Variants in RASAL1 observed in about 807,000 individuals in gnomAD.
RASAL1 encodes the protein RAS protein activator like 1.
RASAL1 carries 72 observed loss-of-function variants against 96.6 expected under a neutral mutation model. The ratio of observed to expected loss-of-function variants is 0.75; its 90% CI spans 0.62 to 0.91. RASAL1 has a LOEUF of 0.91. Ranked by LOEUF, RASAL1 falls within the 40% of genes least tolerant of loss-of-function variation. RASAL1 has a pLI of 0.00. For missense variants in RASAL1, 1,016 were observed against 1,072.5 expected, an observed-to-expected ratio of 0.95 and a Z score of 0.74; for synonymous variants, 405 against 430.4, an observed-to-expected ratio of 0.94 and a Z score of 0.73.
chr12:113,101,197 C>T (rs2136083653), intron 19 of RASAL1, among the ~76,000 whole-genome samples: 2 of 152,288 alleles, frequency 1.3e-5, no homozygotes, highest in Non-Finnish European at 2.9e-5. Flanking sequence ...AGGTGGATCA[C>T]TTGAAGTCAG....
chr12:113,132,691 C>T (rs1056048676), intron 1 of RASAL1, among the ~76,000 whole-genome samples: 4 of 152,192 alleles, frequency 2.6e-5, no homozygotes, highest in Non-Finnish European at 5.9e-5. Flanking sequence ...ACCTATCTTG[C>T]TGGATGAGCC....
At chr12:113,119,294 G>A in intron 6 of RASAL1, 35 bp from the exon 7 acceptor site, 7 of 1,611,382 alleles carry the variant, frequency 4.3e-6, no homozygotes, top group Non-Finnish European at 5.9e-6. Context: ...GAGTGGGAGA[G>A]CTGATGGGGA....
At chr12:113,101,822 A>G (rs1201287824) in intron 19 of RASAL1, 67 bp downstream of exon 19, 2 of 1,564,272 alleles carry the variant, frequency 1.3e-6, no homozygotes, top group Non-Finnish European at 8.7e-7. Context: ...TGGACACAGC[A>G]AGGCCACGGT....
chr12:113,119,716 T>C (rs1336708067), intron 5 of RASAL1, among the ~76,000 whole-genome samples: 1 of 151,980 alleles, frequency 6.6e-6, no homozygotes, highest in Non-Finnish European at 1.5e-5. Flanking sequence ...GCCCAGCAAG[T>C]AGAAGTGCAG....
At chr12:113,128,408 G>A (rs1951576910) in intron 2 of RASAL1, among the ~76,000 whole-genome samples, 1 of 151,164 alleles carries the variant, frequency 6.6e-6, no homozygotes, top group South Asian at 2.1e-4. Context: ...GGACACTGGA[G>A]CATGTATGAA....
At chr12:113,126,665 G>A (rs1592952556) in intron 4 of RASAL1, among the ~76,000 whole-genome samples, 1 of 150,598 alleles carries the variant, frequency 6.6e-6, no homozygotes, top group East Asian at 2.0e-4. Flanking sequence ...CTGGGTGACA[G>A]AATGAGACAC....
At chr12:113,135,875 C>A (rs1190049334), upstream of RASAL1, 4 of 178,284 alleles carry the variant, frequency 2.2e-5, no homozygotes, top group Non-Finnish European at 4.8e-5. This position sits in a 1 kb window ranked among gnomAD's most constrained non-coding sequence, Gnocchi z 5.7. Flanking sequence ...CCCAGTCATG[C>A]GCGCCAGAGC....
intron 15 of RASAL1, among the ~76,000 whole-genome samples, chr12:113,106,146 C>G (rs73207010): frequency 0.11 from 16,859 of 152,192 alleles, 1,116 homozygotes; most frequent in Middle Eastern, 0.19. Flanking sequence ...ATGCAGGCAG[C>G]CAGCAGGGGC....
intron 5 of RASAL1, among the ~76,000 whole-genome samples, chr12:113,121,047 C>T (rs539928077): frequency 2.0e-5 from 3 of 152,182 alleles, no homozygotes; most frequent in Non-Finnish European, 4.4e-5. Flanking sequence ...TTGCTAGGGC[C>T]ATCTCTCACC....
intron 16 of RASAL1, 118 bp downstream of exon 16, chr12:113,105,596 C>G: frequency 8.9e-7 from 1 of 1,125,878 alleles, no homozygotes. Context: ...TGTTAAGTTG[C>G]TATGGCATCT....
At position 113,130,526 on chromosome 12, in the gene RASAL1, C is replaced by A. The variant is rs1246299249; in HGVS notation, c.122+359G>T. Among the ~76,000 whole-genome samples the A allele has an allele frequency of 3.3e-5, 5 of 152,198 alleles. No individual in the cohort carries two copies. The highest frequency in any genetic ancestry group is 5.9e-5 in the Non-Finnish European group (4 of 68,034). ...GCGGGTGCACACACAGACACACATG[C>A]ACATGCCCACGCGCACAGACATCCC... is the stretch of plus-strand genomic sequence containing the variant. On this transcript the variant is annotated intron_variant, in intron 2 of 20. Coordinates refer to ENST00000548055, the MANE Select transcript of RASAL1 (RefSeq NM_001301202.2). The surrounding 1 kb of genome is among the most constrained non-coding windows in gnomAD (Gnocchi z 5.1).
chr12:113,101,544 C>A (rs1397614705), intron 19 of RASAL1, among the ~76,000 whole-genome samples: 1 of 152,164 alleles, frequency 6.6e-6, no homozygotes, highest in Non-Finnish European at 1.5e-5. Context: ...TCTCTGTCAC[C>A]AAATAACAGT....
chr12:113,127,596 G>A (rs1354889737), intron 4 of RASAL1, among the ~76,000 whole-genome samples: 2 of 152,186 alleles, frequency 1.3e-5, no homozygotes, highest in Non-Finnish European at 2.9e-5. Context: ...ATTGCAGTGA[G>A]CTATGATAGC....
Position 113,121,575 on chromosome 12 carries a change from C to A in RASAL1, c.362G>T (p.Cys121Phe). 1 of 1,614,218 alleles carries A rather than the reference C, an allele frequency of 6.2e-7. No homozygotes were observed. Among genetic ancestry groups the A allele is most frequent in the Non-Finnish European group, 8.5e-7 (1 of 1,180,038 alleles). ...ATCCTCCAGCATCTGCACTGACAGG[C>A]AGATCTCACCCTGCACTTCTGCATC... ...DPDAEVQGEI[C>F]LSVQMLEDGQ... The change falls in exon 5 of 21, where the codon TGC becomes TTC. Residue 121 changes from cysteine to phenylalanine, a missense_variant. Transcript: ENST00000548055.
rs1469072356 is a variant in RASAL1 at position 113,112,107 on chromosome 12, GCGCTCCTCCACT to G, written c.1341_1352del (p.Val448_Arg451del). 1.6e-6 allele frequency: 2 copies of G among 1,244,636 alleles called. No homozygotes were observed. Among genetic ancestry groups the G allele is most frequent in the Non-Finnish European group, 2.0e-6 (2 of 990,180 alleles). 77.1% of individuals were successfully genotyped at this position (1,244,636 alleles called of 1,614,324 possible). On this transcript the variant is annotated inframe_deletion, in exon 13 of 21. Coordinates refer to ENST00000548055, the MANE Select transcript of RASAL1 (RefSeq NM_001301202.2). ...GCACCTGGTGCTCGGCCTGGGGGAAGCGCTCCTCCACTCGCCGGTGCAGCTGCTTGAAGGCGA... is the reference window on the plus strand; with the variant it reads ...GCACCTGGTGCTCGGCCTGGGGGAAGCGCCGGTGCAGCTGCTTGAAGGCGA...
intron 16 of RASAL1, among the ~76,000 whole-genome samples, 196 bp downstream of exon 16, chr12:113,105,518 G>A (rs931063731): frequency 3.9e-5 from 6 of 152,244 alleles, no homozygotes; most frequent in Non-Finnish European, 7.3e-5. Context: ...GCATGATGGT[G>A]CCTGTCCATG....
Position 113,115,578 on chromosome 12 carries a change from C to T in RASAL1, c.1003+57G>A, listed in dbSNP as rs1340976843. On this transcript the variant is annotated intron_variant, in intron 10 of 20. Transcript: ENST00000548055. This position sits in a 1 kb window ranked among gnomAD's most constrained non-coding sequence, Gnocchi z 4.1. The stretch of plus-strand genomic sequence containing the variant: ...GGCCTCCCCATTCCTCCCCCAGGAC[C>T]CTCCTGCAAGCCCACCATTGAGGGC... The T allele has an allele frequency of 2.5e-6, 4 of 1,587,552 alleles. No individual in the cohort carries two copies. Among genetic ancestry groups the T allele is most frequent in the Non-Finnish European group, 3.4e-6 (4 of 1,166,264 alleles).
chr12:113,110,429 C>T (rs755021945), intron 13 of RASAL1, among the ~76,000 whole-genome samples: 2 of 152,186 alleles, frequency 1.3e-5, no homozygotes, highest in Admixed American at 1.3e-4. Flanking sequence ...TGGTCTGATA[C>T]ATCAGCACTA....
At position 113,103,995 on chromosome 12, in the gene RASAL1, A is replaced by C. The variant is rs753083113; in HGVS notation, c.2055T>G (p.Gly685=). The C allele has an allele frequency of 6.4e-7, 1 of 1,571,056 alleles. No individual in the cohort carries two copies. The highest frequency in any genetic ancestry group is 1.2e-5 in the South Asian group (1 of 86,124). ...NPNKLAACHP[G]AFRSARWTCC... Reference sequence around the variant, plus strand: ...AGGTCCAGCGCGCGCTGCGGAAGGCACCGGGGTGGCAGGCGGCCAGCTTGT... The same window carrying C: ...AGGTCCAGCGCGCGCTGCGGAAGGCCCCGGGGTGGCAGGCGGCCAGCTTGT... The change falls in exon 18 of 21, where the codon GGT becomes GGG. Residue 685 remains glycine, a synonymous_variant. Transcript: ENST00000548055.
Sources: allele counts gnomAD v4.1 joint callset (sites outside exome capture counted in the v4.1 genomes callset), GRCh38; gene constraint gnomAD v4.1.1; non-coding constraint Gnocchi (gnomAD v3.1); transcripts MANE v1.5; gene names NCBI Gene and HGNC (gene_info 2026-07-23, HGNC 2026-07-21).